Variants in MYO16 observed in about 807,000 individuals in gnomAD.
MYO16 encodes myosin XVI, also known as unconventional myosin-XVI.
Under a neutral mutation model 205.3 loss-of-function variants are expected in MYO16, and 94 were observed. The observed-to-expected ratio is 0.46, with a 90% CI of 0.39 to 0.54. The LOEUF is 0.54. Among genes scored for constraint, MYO16 ranks in the 20% least tolerant of loss-of-function variants. MYO16 has a pLI of 0.00. For synonymous variants in MYO16, 988 were observed against 954.0 expected, an observed-to-expected ratio of 1.04 and a Z score of -0.66; for missense variants, 2,315 against 2,387.5, an observed-to-expected ratio of 0.97 and a Z score of 0.63.
chr13:108,823,255 T>A lies in MYO16; in HGVS notation c.1074T>A (p.Asp358Glu), dbSNP rs1227959345. Residue 358 changes from aspartate to glutamate, a missense_variant, in exon 9 of 35, where the codon GAT (aspartate) becomes GAA (glutamate). Asp to Glu is a conservative substitution (Grantham distance 45, BLOSUM62 2). Around this residue, in one of 3 missense-constraint regions of MYO16, gnomAD observed 1,213 missense variants for 1,274.4 expected, o/e 0.95. Coordinates refer to ENST00000457511, the MANE Select transcript of MYO16 (RefSeq NM_001198950.3). ...AGCCCTATGAAGAGATCATTCACGA[T>A]CTTCCCGTACTGTCGAGTAAGCTGT... ...QEEPYEEIIHDLPVLSSKLSP... is the reference protein window; with the variant it reads ...QEEPYEEIIHELPVLSSKLSP... 1.2e-6 allele frequency: 2 copies of A among 1,612,402 alleles called. No homozygotes were observed. The highest frequency in any genetic ancestry group is 2.2e-5 in the East Asian group (1 of 44,852).
chr13:109,139,744 G>T (rs1302051861), intron 31 of MYO16, among the ~76,000 whole-genome samples: 1 of 152,168 alleles, frequency 6.6e-6, no homozygotes, highest in Non-Finnish European at 1.5e-5. Context: ...TCAGCTAACA[G>T]AACAGAAAAT....
rs1177788469 is a variant in MYO16 at position 109,055,198 on chromosome 13, T to C, written c.3129+72T>C. ...AACTAAAGAGGGTTTATGTAGACTT[T>C]TTTTTCCATTTTTGACAACTTAAAT... is the stretch of plus-strand genomic sequence containing the variant. On this transcript the variant is annotated intron_variant, in intron 26 of 34. Coordinates refer to ENST00000457511, the MANE Select transcript of MYO16 (RefSeq NM_001198950.3). The surrounding 1 kb of genome is among the most constrained non-coding windows in gnomAD (Gnocchi z 5.0). 4.7e-5 allele frequency: 61 copies of C among 1,297,822 alleles called. No individual in the cohort carries two copies. Among genetic ancestry groups the C allele is most frequent in the Non-Finnish European group, 6.1e-5 (57 of 933,488 alleles). 80.4% of individuals were successfully genotyped at this position (1,297,822 alleles called of 1,614,324 possible). A position where few individuals can be genotyped will look rare whatever the true frequency, so the allele number is the denominator to read the frequency against.
intron 16 of MYO16, among the ~76,000 whole-genome samples, chr13:108,915,390 A>G (rs1337978226): frequency 6.6e-6 from 1 of 152,212 alleles, no homozygotes; most frequent in Admixed American, 6.5e-5. Context: ...AAGAAATTAA[A>G]ATAAAAACAG....
At chr13:108,763,129 T>A (rs979131595) in intron 4 of MYO16, among the ~76,000 whole-genome samples, 1 of 152,202 alleles carries the variant, frequency 6.6e-6, no homozygotes, top group Non-Finnish European at 1.5e-5. Flanking sequence ...TATTCTTTAT[T>A]GAGGGTCTAC....
Position 109,022,688 on chromosome 13 carries a change from ATG to A in MYO16, c.2796+2779_2796+2780del, listed in dbSNP as rs1491135347. On this transcript the variant is annotated intron_variant, in intron 23 of 34. Transcript: ENST00000457511. ...ATATATTATATATACACATATAAAC[ATG>A]TATATATTTATATATTATATATACG... Among the ~76,000 whole-genome samples the A allele has an allele frequency of 9.6e-3, 80 of 8,376 alleles. 22 individuals carry two copies. The East Asian group carries it at 0.24, about 25-fold the overall frequency. The allele number at this position is 8,376 out of a possible 152,430, so 5.5% of individuals were successfully genotyped here.
the MYO16 span, among the ~76,000 whole-genome samples, chr13:108,565,872 G>A: frequency 1.3e-5 from 2 of 151,990 alleles, no homozygotes; most frequent in Non-Finnish European, 2.9e-5. Flanking sequence ...CCAGTTTTCT[G>A]ATGGTTTTTA....
chr13:108,819,761 T>C (rs1221202988), intron 7 of MYO16, among the ~76,000 whole-genome samples: 1 of 152,166 alleles, frequency 6.6e-6, no homozygotes, highest in East Asian at 1.9e-4. Context: ...TGACTTTAGG[T>C]TCCTGCTGCC....
At chr13:108,921,941 A>G (rs1055883700) in intron 16 of MYO16, among the ~76,000 whole-genome samples, 34 of 152,224 alleles carry the variant, frequency 2.2e-4, no homozygotes, top group Non-Finnish European at 4.4e-5. Flanking sequence ...CTATTAGTGT[A>G]GAAGGCTCCT....
At chr13:108,625,899 T>C (rs1879717646), upstream of MYO16, among the ~76,000 whole-genome samples, 1 of 152,244 alleles carries the variant, frequency 6.6e-6, no homozygotes. Context: ...GAATTATCTG[T>C]CAGCAGACTG....
At chr13:108,544,637 T>A in the MYO16 span, among the ~76,000 whole-genome samples, 1 of 152,226 alleles carries the variant, frequency 6.6e-6, no homozygotes, top group African/African-American at 2.4e-5. Context: ...AAATATACAA[T>A]TAAATTATGA....
At chr13:108,794,654 G>T (rs1423612701) in intron 6 of MYO16, among the ~76,000 whole-genome samples, 3 of 152,092 alleles carry the variant, frequency 2.0e-5, no homozygotes, top group South Asian at 2.1e-4. Context: ...GTATATATTT[G>T]ATGTCTAATC....
intron 28 of MYO16, among the ~76,000 whole-genome samples, chr13:109,109,146 T>C (rs1889208064): frequency 6.6e-6 from 1 of 152,176 alleles, no homozygotes; most frequent in Non-Finnish European, 1.5e-5. Flanking sequence ...TTGTGTCTGT[T>C]CCTACTGAGA....
At chr13:108,551,310 C>A in the MYO16 span, among the ~76,000 whole-genome samples, 3 of 152,178 alleles carry the variant, frequency 2.0e-5, no homozygotes, top group Non-Finnish European at 4.4e-5. Flanking sequence ...CCTCCTGTAG[C>A]TTGCTCCCTA....
At chr13:108,573,314 T>C in the MYO16 span, among the ~76,000 whole-genome samples, 1 of 152,346 alleles carries the variant, frequency 6.6e-6, no homozygotes, top group Non-Finnish European at 1.5e-5. Context: ...TTATTAACAT[T>C]TTTGTGGTAA....
At chr13:108,610,288 C>T (rs142416966) in intron 1 of MYO16, among the ~76,000 whole-genome samples, 126 of 152,192 alleles carry the variant, frequency 8.3e-4, no homozygotes, top group African/African-American at 2.6e-3. Context: ...TGTGCTCCGT[C>T]GATGCCTTTC....
At chr13:109,068,516 A>G (rs941051027) in intron 27 of MYO16, among the ~76,000 whole-genome samples, 1 of 38,010 alleles carries the variant, frequency 2.6e-5, no homozygotes, top group Non-Finnish European at 6.4e-5. Context: ...CTTTAAGAAT[A>G]TTCTTTCTCT....
At chr13:108,933,174 T>G (rs1882334756) in intron 16 of MYO16, among the ~76,000 whole-genome samples, 1 of 152,154 alleles carries the variant, frequency 6.6e-6, no homozygotes, top group Non-Finnish European at 1.5e-5. Context: ...TAACTGTGTG[T>G]GGCAAGATGC....
chr13:108,975,643 G>A (rs1884228069), intron 20 of MYO16, among the ~76,000 whole-genome samples: 1 of 152,002 alleles, frequency 6.6e-6, no homozygotes, highest in South Asian at 2.1e-4. Context: ...TTATAGACAC[G>A]TCTCCTTTGC....
Position 108,838,678 on chromosome 13 carries a change from A to AATAT in MYO16, c.1098-5655_1098-5652dup, listed in dbSNP as rs1555304222. ...GTGAGACTGTCTCAAAAAAAAAAAA[A>AATAT]ATATATATATATACACACACACACA... On this transcript the variant is annotated intron_variant, in intron 9 of 34. Transcript: ENST00000457511. Among the ~76,000 whole-genome samples the AATAT allele has an allele frequency of 5.4e-3, 679 of 124,756 alleles. 8 individuals carry two copies. The highest frequency in any genetic ancestry group is 0.016 in the South Asian group (59 of 3,684). 81.8% of individuals were successfully genotyped at this position (124,756 alleles called of 152,430 possible).
Sources: allele counts gnomAD v4.1 joint callset (sites outside exome capture counted in the v4.1 genomes callset), GRCh38; gene constraint gnomAD v4.1.1; regional missense constraint gnomAD v4.1.1; non-coding constraint Gnocchi (gnomAD v3.1); transcripts MANE v1.5; gene names NCBI Gene and HGNC (gene_info 2026-07-23, HGNC 2026-07-21).